The following PC variants were observed in gnomAD, a reference collection of about 807,000 sequenced individuals.
The protein encoded by PC is pyruvate carboxylase, also known as pyruvate carboxylase, mitochondrial.
Under a neutral mutation model 107.8 loss-of-function variants are expected in PC, and 46 were observed. The ratio of observed to expected loss-of-function variants is 0.43; its 90% CI spans 0.34 to 0.55. The LOEUF (loss-of-function observed/expected upper bound fraction) is 0.55, where lower values mean the gene tolerates loss of function less well. PC is among the 20% of genes least tolerant of loss of function. The pLI, the probability that PC is intolerant of heterozygous loss-of-function variation, is 0.04. For synonymous variants in PC, 662 were observed against 684.7 expected (o/e 0.97, Z 0.52); for missense variants, 1,241 against 1,643.1 (o/e 0.76, Z 4.23).
At chr11:66,926,502 T>TA (rs1414975193) in intron 3 of PC, among the ~76,000 whole-genome samples, 4 of 152,184 alleles carry the variant, frequency 2.6e-5, no homozygotes, top group Admixed American at 6.5e-5. Context: ...GGCAAACAGT[T>TA]AAACAAATCA....
At chr11:66,851,479 G>A (rs1186073719) in intron 16 of PC, among the ~76,000 whole-genome samples, 199 bp from the exon 17 acceptor site, 1 of 152,176 alleles carries the variant, frequency 6.6e-6, no homozygotes, top group Non-Finnish European at 1.5e-5. Context: ...TAGGCCAGTG[G>A]CAGGCTGTGG....
intron 3 of PC, among the ~76,000 whole-genome samples, chr11:66,873,502 AATAT>A (rs1946850934): frequency 1.4e-4 from 2 of 14,766 alleles, no homozygotes; most frequent in African/African-American, 2.4e-4. Context: ...TATATTATAT[AATAT>A]TATATATTAT....
chr11:66,863,672 G>T, intron 12 of PC, 102 bp downstream of exon 12: 1 of 1,256,242 alleles, frequency 8.0e-7, no homozygotes, highest in Non-Finnish European at 1.1e-6. Context: ...CAGGGGCAAG[G>T]CTGAGGTGAA....
In PC at chr11:66,851,081, C is replaced by T. The variant is rs193271416; in HGVS notation, c.2182G>A (p.Glu728Lys). The change falls in exon 17 of 23, where the codon GAA becomes AAA. Residue 728 changes from glutamate (E) to lysine (K), a missense_variant. By Grantham distance (56) the Glu-to-Lys change is moderately conservative. Around this residue, in one of 2 missense-constraint regions of PC, gnomAD observed 1,143 missense variants for 1,551.9 expected, o/e 0.74. Coordinates refer to ENST00000393960, the MANE Select transcript of PC (RefSeq NM_001040716.2). ...YSLQYYMGLA[E>K]ELVRAGTHIL... is the part of the protein sequence containing the mutation. ...TGGGTGCCAGCTCGCACCAGCTCTT[C>T]GGCCAAGCCCATGTAGTACTGCAGT... is the stretch of plus-strand genomic sequence containing the variant. 32 of 1,613,192 alleles carry T rather than the reference C, an allele frequency of 2.0e-5. No individual in the cohort carries two copies. Among genetic ancestry groups the T allele is most frequent in the Middle Eastern group, 3.3e-4 (2 of 6,062 alleles).
intron 3 of PC, among the ~76,000 whole-genome samples, chr11:66,893,886 G>A (rs1231379943): frequency 6.8e-6 from 1 of 147,662 alleles, no homozygotes; most frequent in African/African-American, 2.5e-5. Flanking sequence ...TGGTCACCAA[G>A]GGTTAAGCTT....
intron 12 of PC, chr11:66,860,685 C>A (rs1238970861): frequency 1.4e-6 from 1 of 701,158 alleles, no homozygotes; most frequent in East Asian, 2.7e-5. Flanking sequence ...AGAGCATGGG[C>A]TTGGGCAGGC....
In PC at chr11:66,870,755, G is replaced by T. The variant is rs370081179; in HGVS notation, c.751+20C>A. On this transcript the variant is annotated intron_variant, in intron 8 of 22. Transcript: ENST00000393960. This position sits in a 1 kb window ranked among gnomAD's most constrained non-coding sequence, Gnocchi z 6.1. ...GCTCCCGCCTCCAGCTGCCCCAGGC[G>T]GGGCGTCAGGACCACTCACCCAAGA... 1.9e-6 allele frequency: 3 copies of T among 1,599,584 alleles called. No homozygotes were observed. Among genetic ancestry groups the T allele is most frequent in the African/African-American group, 2.7e-5 (2 of 74,472 alleles).
intron 12 of PC, among the ~76,000 whole-genome samples, chr11:66,861,726 T>TAG (rs1285051545): frequency 1.3e-5 from 2 of 152,020 alleles, no homozygotes; most frequent in African/African-American, 2.4e-5. Context: ...AGGAGGCGGC[T>TAG]AGAGCCAGCG....
chr11:66,860,698 C>T, intron 12 of PC: 1 of 700,906 alleles, frequency 1.4e-6, no homozygotes, highest in East Asian at 2.7e-5. Context: ...GGGCAGGCGG[C>T]CTACCCTCGC....
At position 66,853,255 on chromosome 11, in the gene PC, C is replaced by T. The variant is rs1945616302; in HGVS notation, c.1497G>A (p.Lys499=). 1 of 1,613,840 alleles carries T rather than the reference C, an allele frequency of 6.2e-7. No homozygotes were observed. Among genetic ancestry groups the T allele is most frequent in the African/African-American group, 1.3e-5 (1 of 74,846 alleles). ...QLRPAQNRAQ[K]LLHYLGHVMV... ...GGGCCAGACCGAGGTAGTGCAACAG[C>T]TTTTGGGCCCGGTTCTGTGCAGGCC... The change falls in exon 13 of 23, where the codon AAG becomes AAA. Residue 499 remains lysine, a synonymous_variant. Transcript: ENST00000393960.
intron 3 of PC, among the ~76,000 whole-genome samples, chr11:66,912,579 G>A (rs1246752333): frequency 1.3e-5 from 2 of 152,216 alleles, no homozygotes; most frequent in Admixed American, 6.5e-5. Flanking sequence ...CTGAGCAGCC[G>A]CTTCCTGTGG....
At chr11:66,933,807 C>T (rs755314676) in intron 3 of PC, among the ~76,000 whole-genome samples, 3 of 152,142 alleles carry the variant, frequency 2.0e-5, no homozygotes, top group Non-Finnish European at 2.9e-5. Context: ...CAGCCACCCA[C>T]TCCGCCCAGA....
chr11:66,914,693 C>T (rs1363349902), intron 3 of PC, among the ~76,000 whole-genome samples: 1 of 152,210 alleles, frequency 6.6e-6, no homozygotes, highest in Non-Finnish European at 1.5e-5. Flanking sequence ...CTTGTCCCCT[C>T]GAGGCATTTC....
chr11:66,914,423 A>G (rs1282945903), intron 3 of PC, among the ~76,000 whole-genome samples: 1 of 152,022 alleles, frequency 6.6e-6, no homozygotes, highest in Non-Finnish European at 1.5e-5. Context: ...GAGGCAGGAA[A>G]TCGCTTGAAC....
intron 3 of PC, among the ~76,000 whole-genome samples, chr11:66,941,075 A>G (rs1158125358): frequency 8.4e-6 from 1 of 119,372 alleles, no homozygotes; most frequent in Non-Finnish European, 1.7e-5. Context: ...GCAAGACTCC[A>G]TCTAAAAAAA....
At position 66,852,344 on chromosome 11, in the gene PC, G is replaced by A. The variant is rs1333638692; in HGVS notation, c.1825+95C>T. 6.8e-6 allele frequency: 7 copies of A among 1,025,478 alleles called. No individual in the cohort carries two copies. Among genetic ancestry groups the A allele is most frequent in the Non-Finnish European group, 9.2e-6 (6 of 652,036 alleles). 63.5% of individuals were successfully genotyped at this position (1,025,478 alleles called of 1,614,324 possible). ...TTCCTCTTTGGTGTTCTTCGTGTCA[G>A]CGTCTCTAGCTTGTCCCCAGTGGCC... On this transcript the variant is annotated intron_variant, in intron 15 of 22. Transcript: ENST00000393960. This position sits in a 1 kb window ranked among gnomAD's most constrained non-coding sequence, Gnocchi z 4.7.
At chr11:66,884,844 G>A (rs1947304930) in intron 3 of PC, among the ~76,000 whole-genome samples, 1 of 152,214 alleles carries the variant, frequency 6.6e-6, no homozygotes, top group African/African-American at 2.4e-5. Context: ...ACAGAGGCTA[G>A]GGGCACCAAA....
chr11:66,866,686 A>T lies in PC; in HGVS notation c.1023-337T>A, dbSNP rs1211340508. 2.0e-5 allele frequency among the ~76,000 whole-genome samples: 3 copies of T among 152,084 alleles called. No homozygotes were observed. Among genetic ancestry groups the T allele is most frequent in the Non-Finnish European group, 4.4e-5 (3 of 68,020 alleles). On this transcript the variant is annotated intron_variant, in intron 10 of 22. Coordinates refer to ENST00000393960, the MANE Select transcript of PC (RefSeq NM_001040716.2). This position sits in a 1 kb window ranked among gnomAD's most constrained non-coding sequence, Gnocchi z 5.4. ...CTGTACTCTGCCTCCTCCTTCCTTG[A>T]GGTCTGTTTTCCCCACTCCCCTAAA...
At chr11:66,897,224 G>A (rs980478186) in intron 3 of PC, among the ~76,000 whole-genome samples, 13 of 151,516 alleles carry the variant, frequency 8.6e-5, no homozygotes, top group South Asian at 2.1e-4. Flanking sequence ...ATGAGCCACC[G>A]CGCCCAGCCT....
Sources: gnomAD v4.1 joint callset for allele counts (sites outside exome capture counted in the v4.1 genomes callset) on GRCh38, gnomAD v4.1.1 for gene constraint, gnomAD v4.1.1 regional missense constraint, Gnocchi (gnomAD v3.1) non-coding constraint, MANE v1.5 for transcripts, NCBI Gene and HGNC (gene_info 2026-07-23, HGNC 2026-07-21) for gene names.